CARMIL1: variants seen among roughly 807,000 people sequenced by gnomAD.
CARMIL1 encodes capping protein regulator and myosin 1 linker 1.
CARMIL1 carries 90 observed loss-of-function variants against 177.1 expected under a neutral mutation model. The observed-to-expected ratio is 0.51, with a 90% CI of 0.43 to 0.61. The LOEUF (loss-of-function observed/expected upper bound fraction) is 0.61, where lower values mean the gene tolerates loss of function less well. Ranked by LOEUF, CARMIL1 falls within the 20% of genes least tolerant of loss-of-function variation. CARMIL1 has a pLI of 0.00. For missense variants in CARMIL1, 1,380 were observed against 1,667.0 expected, an observed-to-expected ratio of 0.83 and a Z score of 3.00; for synonymous variants, 577 against 606.2, an observed-to-expected ratio of 0.95 and a Z score of 0.71.
intron 3 of CARMIL1, among the ~76,000 whole-genome samples, chr6:25,424,898 A>C (rs1167252227): frequency 6.6e-6 from 1 of 152,232 alleles, no homozygotes; most frequent in Non-Finnish European, 1.5e-5. Context: ...CAGAAAGGCC[A>C]CTGGAGGGCC....
At chr6:25,321,625 T>C (rs1784674121) in intron 2 of CARMIL1, among the ~76,000 whole-genome samples, 1 of 152,156 alleles carries the variant, frequency 6.6e-6, no homozygotes. Context: ...TTCATTCTTT[T>C]AATTAATTTT....
intron 29 of CARMIL1, among the ~76,000 whole-genome samples, chr6:25,574,034 C>G (rs75761628): frequency 0.019 from 2,856 of 152,212 alleles, 76 homozygotes; most frequent in African/African-American, 0.059. Flanking sequence ...CTTCAAGAAA[C>G]TTTAAAGTTT....
At chr6:25,454,053 A>G (rs1799249860) in intron 8 of CARMIL1, among the ~76,000 whole-genome samples, 1 of 152,228 alleles carries the variant, frequency 6.6e-6, no homozygotes. Flanking sequence ...CACTAAATAC[A>G]GTTACCTGAA....
At chr6:25,304,131 A>C (rs77052624) in intron 2 of CARMIL1, among the ~76,000 whole-genome samples, 4,253 of 152,288 alleles carry the variant, frequency 0.028, 72 homozygotes, top group Non-Finnish European at 0.038. Context: ...ATGGGAGGGG[A>C]CATCACAGAA....
chr6:25,436,888 T>A (rs989747048), intron 5 of CARMIL1, among the ~76,000 whole-genome samples: 2 of 152,148 alleles, frequency 1.3e-5, no homozygotes, highest in Non-Finnish European at 2.9e-5. Flanking sequence ...CCTGCTTGGC[T>A]AGAATTTCAG....
chr6:25,396,156 T>G (rs1362168461), intron 2 of CARMIL1, among the ~76,000 whole-genome samples: 1 of 124,954 alleles, frequency 8.0e-6, no homozygotes, highest in Non-Finnish European at 1.7e-5. Context: ...CAGGAAAATT[T>G]AAAATTATTC....
rs111481430 is a variant in CARMIL1, at chr6:25,359,307, A to C, written c.139-60807A>C. On this transcript the variant is annotated intron_variant, in intron 2 of 36. Coordinates refer to ENST00000329474, the MANE Select transcript of CARMIL1 (RefSeq NM_017640.6). ...GTGCTTTTCAGTGAGCTAGTGTTTCAGAACCTCATGACAGGGCAGGCTGAT... is the reference window on the plus strand; with the variant it reads ...GTGCTTTTCAGTGAGCTAGTGTTTCCGAACCTCATGACAGGGCAGGCTGAT... 8.4e-3 allele frequency among the ~76,000 whole-genome samples: 1,276 copies of C among 152,354 alleles called. 5 individuals carry two copies. Among genetic ancestry groups the C allele is most frequent in the Non-Finnish European group, 0.015 (1,010 of 68,024 alleles).
intron 33 of CARMIL1, among the ~76,000 whole-genome samples, chr6:25,604,462 A>G (rs1478940956): frequency 6.6e-6 from 1 of 152,172 alleles, no homozygotes; most frequent in East Asian, 1.9e-4. Flanking sequence ...CACATAAAGC[A>G]TCAGGGGCTG....
At chr6:25,410,146 T>C (rs180857336) in intron 2 of CARMIL1, among the ~76,000 whole-genome samples, 96 of 150,110 alleles carry the variant, frequency 6.4e-4, no homozygotes, top group African/African-American at 2.2e-3. Flanking sequence ...TATAACTTTG[T>C]TCTGAGAGAA....
At position 25,562,246 on chromosome 6, in the gene CARMIL1, CT is replaced by C. The variant is rs1201652881; in HGVS notation, c.2742+5411del. On this transcript the variant is annotated intron_variant, in intron 29 of 36. Transcript: ENST00000329474. ...GCTTCCAGAGATCTGACCCAGATAT[CT>C]TTTTTTTTTTTTTTCTTTGAGACGG... 9.9e-3 allele frequency among the ~76,000 whole-genome samples: 1,415 copies of C among 142,428 alleles called. 6 individuals carry two copies. The highest frequency in any genetic ancestry group is 0.029 in the Middle Eastern group (8 of 280). The allele number at this position is 142,428 out of a possible 152,430, so 93.4% of individuals were successfully genotyped here.
At position 25,444,490 on chromosome 6, in the gene CARMIL1, C is replaced by T. The variant is rs551646594; in HGVS notation, c.372-5408C>T. 3.4e-4 allele frequency among the ~76,000 whole-genome samples: 51 copies of T among 151,918 alleles called. No homozygotes were observed. The South Asian group carries it at 4.0e-3, about 12-fold the overall frequency. ...GCTACACCCATCAACTCATCATTTA[C>T]ATTAGGTATTTCTCCTAATACTATC... On this transcript the variant is annotated intron_variant, in intron 5 of 36. Coordinates refer to ENST00000329474, the MANE Select transcript of CARMIL1 (RefSeq NM_017640.6).
At position 25,554,134 on chromosome 6, in the gene CARMIL1, T is replaced by G; in HGVS notation, c.2592+38T>G. The stretch of plus-strand genomic sequence containing the variant: ...CACATCTTGAGCAGGACCTCCTGTT[T>G]CAGCTCTGCTGTGATGCAGGATGAC... On this transcript the variant is annotated intron_variant, in intron 28 of 36. Coordinates refer to ENST00000329474, the MANE Select transcript of CARMIL1 (RefSeq NM_017640.6). The surrounding 1 kb of genome is among the most constrained non-coding windows in gnomAD (Gnocchi z 4.6). 7.0e-7 allele frequency: 1 copy of G among 1,420,048 alleles called. No individual in the cohort carries two copies. The highest frequency in any genetic ancestry group is 9.8e-7 in the Non-Finnish European group (1 of 1,023,076). 88.0% of individuals were successfully genotyped at this position (1,420,048 alleles called of 1,614,324 possible). A position where few individuals can be genotyped will look rare whatever the true frequency, so the allele number is the denominator to read the frequency against.
intron 2 of CARMIL1, among the ~76,000 whole-genome samples, chr6:25,325,075 A>G (rs1480298979): frequency 1.3e-5 from 2 of 152,182 alleles, no homozygotes; most frequent in African/African-American, 2.4e-5. Context: ...AGTGTGATGA[A>G]TATTAGTGGG....
intron 15 of CARMIL1, among the ~76,000 whole-genome samples, chr6:25,492,517 C>T (rs564011335): frequency 4.8e-4 from 73 of 152,216 alleles, no homozygotes; most frequent in African/African-American, 1.7e-3. Flanking sequence ...CAAGGATTCA[C>T]AGACAGTAGC....
intron 31 of CARMIL1, among the ~76,000 whole-genome samples, chr6:25,583,828 C>G (rs1356553734): frequency 6.6e-6 from 1 of 151,500 alleles, no homozygotes; most frequent in African/African-American, 2.4e-5. Flanking sequence ...ACAACCCCCC[C>G]CACCCGCCTC....
chr6:25,619,080 A>G (rs1053744605), intron 36 of CARMIL1, among the ~76,000 whole-genome samples: 11 of 152,136 alleles, frequency 7.2e-5, no homozygotes, highest in Non-Finnish European at 7.4e-5. Context: ...GGGGGCAGCT[A>G]TGACTGAGGA....
intron 31 of CARMIL1, among the ~76,000 whole-genome samples, chr6:25,585,157 A>G (rs116461999): frequency 0.019 from 2,952 of 152,314 alleles, 79 homozygotes; most frequent in African/African-American, 0.061. Flanking sequence ...TACAGTTTCC[A>G]AAGTGCTTTC....
chr6:25,451,955 T>G, intron 8 of CARMIL1: 1 of 614,786 alleles, frequency 1.6e-6, no homozygotes, highest in South Asian at 1.8e-5. Flanking sequence ...GGATTGTTGT[T>G]GCCCATATGT....
chr6:25,450,757 T>G, intron 8 of CARMIL1, 46 bp downstream of exon 8: 1 of 440,466 alleles, frequency 2.3e-6, no homozygotes, highest in Non-Finnish European at 3.8e-6. Context: ...CCTCCCTTCC[T>G]CCCTCCCTTC....
Sources: gnomAD v4.1 joint callset for allele counts (sites outside exome capture counted in the v4.1 genomes callset) on GRCh38, gnomAD v4.1.1 for gene constraint, Gnocchi (gnomAD v3.1) non-coding constraint, MANE v1.5 for transcripts, NCBI Gene and HGNC (gene_info 2026-07-23, HGNC 2026-07-21) for gene names.